The following LCMT1 variants were observed in gnomAD, a reference collection of about 807,000 sequenced individuals.
The protein encoded by LCMT1 is leucine carboxyl methyltransferase 1.
LCMT1 carries 32 observed loss-of-function variants against 47.7 expected under a neutral mutation model. That is an observed-to-expected ratio of 0.67 (90% CI 0.51 to 0.90). The LOEUF is 0.90. Among genes scored for constraint, LCMT1 ranks in the 40% least tolerant of loss-of-function variants. The pLI is 0.00. For synonymous variants in LCMT1, 152 were observed against 149.7 expected, an observed-to-expected ratio of 1.02 and a Z score of -0.11; for missense variants, 375 against 415.2, an observed-to-expected ratio of 0.90 and a Z score of 0.84.
At chr16:25,151,013 T>C (rs749657322) in intron 4 of LCMT1, among the ~76,000 whole-genome samples, 1 of 152,136 alleles carries the variant, frequency 6.6e-6, no homozygotes, top group African/African-American at 2.4e-5. Flanking sequence ...AGAAAGTGTG[T>C]TGGTGTTTGA....
At chr16:25,152,903 C>G (rs1193504344) in intron 5 of LCMT1, among the ~76,000 whole-genome samples, 1 of 152,158 alleles carries the variant, frequency 6.6e-6, no homozygotes, top group East Asian at 1.9e-4. Context: ...GGGTCAGTCT[C>G]TACCACAGTC....
chr16:25,135,705 A>C (rs1960484082), intron 3 of LCMT1, among the ~76,000 whole-genome samples: 1 of 152,124 alleles, frequency 6.6e-6, no homozygotes, highest in Non-Finnish European at 1.5e-5. Flanking sequence ...TATTCCATAA[A>C]ATCTCAGGAG....
chr16:25,130,961 G>A (rs1176185491), intron 2 of LCMT1, among the ~76,000 whole-genome samples: 2 of 152,234 alleles, frequency 1.3e-5, no homozygotes, highest in Non-Finnish European at 2.9e-5. Flanking sequence ...GCTTAGCAGT[G>A]TAAAGCCTGA....
At chr16:25,146,143 C>T (rs985440744) in intron 4 of LCMT1, 13 of 152,306 alleles carry the variant, frequency 8.5e-5, no homozygotes, top group Admixed American at 7.2e-4. Context: ...CCTTAGGACA[C>T]CTGTCTATTC....
At chr16:25,137,448 CT>C (rs1016134707) in intron 3 of LCMT1, among the ~76,000 whole-genome samples, 1 of 151,596 alleles carries the variant, frequency 6.6e-6, no homozygotes, top group South Asian at 2.1e-4. Context: ...ATGGCTTTTT[CT>C]TTTTTTTTCT....
At chr16:25,140,036 C>T (rs139140588) in intron 3 of LCMT1, 135 bp from the exon 4 acceptor site, 85 of 650,130 alleles carry the variant, frequency 1.3e-4, no homozygotes, top group African/African-American at 9.7e-4. Context: ...TCGAAAAACA[C>T]GTCTGCCCAT....
In LCMT1 at chr16:25,159,868, A is replaced by G. The variant is rs535192070; in HGVS notation, c.467-1234A>G. Among the ~76,000 whole-genome samples, 3 of 152,208 alleles carry G rather than the reference A, an allele frequency of 2.0e-5. No homozygotes were observed. The South Asian group carries it at 6.2e-4, about 32-fold the overall frequency. On this transcript the variant is annotated intron_variant, in intron 5 of 10. Transcript: ENST00000399069. ...AGCTGTTGATGTTTCAGCTCCTGCAATGGTTTGTACCCTCAAGGAAGTTGA... is the reference window on the plus strand; with the variant it reads ...AGCTGTTGATGTTTCAGCTCCTGCAGTGGTTTGTACCCTCAAGGAAGTTGA...
chr16:25,163,951 C>A (rs1252890289), intron 6 of LCMT1, among the ~76,000 whole-genome samples: 1 of 152,114 alleles, frequency 6.6e-6, no homozygotes, highest in Non-Finnish European at 1.5e-5. Flanking sequence ...CAGGGCTTAG[C>A]TGGATGGTTC....
At chr16:25,169,239 C>T (rs367700631) in intron 8 of LCMT1, 26 bp downstream of exon 8, 2 of 1,445,576 alleles carry the variant, frequency 1.4e-6, no homozygotes, top group East Asian at 2.3e-5. Context: ...CTGGGATATC[C>T]ATTTGGACCC....
intron 3 of LCMT1, among the ~76,000 whole-genome samples, chr16:25,137,403 G>C (rs1051669216): frequency 1.3e-5 from 2 of 152,154 alleles, no homozygotes; most frequent in African/African-American, 4.8e-5. Context: ...CTCTAAGTGT[G>C]ATCAGCTCAG....
At chr16:25,138,617 G>A (rs1290068395) in intron 3 of LCMT1, among the ~76,000 whole-genome samples, 3 of 152,116 alleles carry the variant, frequency 2.0e-5, no homozygotes, top group African/African-American at 7.2e-5. Flanking sequence ...CTGAGCCAGG[G>A]CCCCCATCTC....
chr16:25,176,156 C>G (rs1961927244), intron 10 of LCMT1, among the ~76,000 whole-genome samples: 1 of 152,136 alleles, frequency 6.6e-6, no homozygotes. Flanking sequence ...AGGCGTGGAT[C>G]TATCTCTGTT....
chr16:25,171,435 C>A (rs1054988082), intron 9 of LCMT1, among the ~76,000 whole-genome samples: 33 of 150,564 alleles, frequency 2.2e-4, no homozygotes, highest in Non-Finnish European at 3.3e-4. Flanking sequence ...AACAAACAAA[C>A]AAAAAAAAAC....
At chr16:25,169,782 A>AATC (rs201461733) in intron 8 of LCMT1, among the ~76,000 whole-genome samples, 2,108 of 152,216 alleles carry the variant, frequency 0.014, 45 homozygotes, top group African/African-American at 0.048. Context: ...GATGTGTTTG[A>AATC]ATCAGGATTT....
rs1267018274 is a variant in LCMT1, at chr16:25,111,914, ACCT to A, written c.35_37del (p.Ser12del). 1 of 1,612,966 alleles carries A rather than the reference ACCT, an allele frequency of 6.2e-7. No homozygotes were observed. The highest frequency in any genetic ancestry group is 1.3e-5 in the African/African-American group (1 of 74,824). On this transcript the variant is annotated inframe_deletion, in exon 1 of 11. Transcript: ENST00000399069. ...CACTAGGCAGAGGGAATCCTCTATC[ACCT>A]CCTGCTGTTCCACCTCGAGCTGCGA... is the stretch of plus-strand genomic sequence containing the variant.
At position 25,165,938 on chromosome 16, in the gene LCMT1, A is replaced by G. The variant is rs139170704; in HGVS notation, c.690+1220A>G. On this transcript the variant is annotated intron_variant, in intron 7 of 10. Transcript: ENST00000399069. ...CAGTGTTGCCCAACTGTAAGTAAGC[A>G]TCAGCTATTTTTTGTTCTCTCTGAG... 3.9e-4 allele frequency among the ~76,000 whole-genome samples: 59 copies of G among 152,284 alleles called. 1 individual carries two copies. The highest frequency in any genetic ancestry group is 1.3e-3 in the African/African-American group (55 of 41,570).
Position 25,132,396 on chromosome 16 carries a change from C to A in LCMT1, c.206-6C>A, listed in dbSNP as rs781663449. 16 of 1,613,424 alleles carry A rather than the reference C, an allele frequency of 9.9e-6. No individual in the cohort carries two copies. The highest frequency in any genetic ancestry group is 5.5e-5 in the South Asian group (5 of 91,064). The stretch of plus-strand genomic sequence containing the variant: ...AGCTTGTTTCTGTGCCTCCCCTCCC[C>A]CCTAGGATATTTTGCTCGAGTCCAT... On this transcript the variant is annotated splice_polypyrimidine_tract_variant and splice_region_variant and intron_variant, in intron 2 of 10. Coordinates refer to ENST00000399069, the MANE Select transcript of LCMT1 (RefSeq NM_016309.3).
chr16:25,161,786 A>G (rs1961441162), intron 6 of LCMT1, among the ~76,000 whole-genome samples: 1 of 151,996 alleles, frequency 6.6e-6, no homozygotes, highest in Non-Finnish European at 1.5e-5. Flanking sequence ...AGAAAAGATT[A>G]GCATCCAGAA....
At chr16:25,159,091 C>G (rs1340594870) in intron 5 of LCMT1, among the ~76,000 whole-genome samples, 1 of 152,114 alleles carries the variant, frequency 6.6e-6, no homozygotes, top group Non-Finnish European at 1.5e-5. Context: ...AGAGATCTCC[C>G]CTGAACTACA....
Sources: gnomAD v4.1 joint callset for allele counts (sites outside exome capture counted in the v4.1 genomes callset) on GRCh38, gnomAD v4.1.1 for gene constraint, MANE v1.5 for transcripts, NCBI Gene and HGNC (gene_info 2026-07-23, HGNC 2026-07-21) for gene names.